SORCS1: variants seen among roughly 807,000 people sequenced by gnomAD.
The protein encoded by SORCS1 is sortilin related VPS10 domain containing receptor 1, also known as VPS10 domain-containing receptor SorCS1.
SORCS1 carries 60 observed loss-of-function variants against 146.1 expected under a neutral mutation model. The ratio of observed to expected loss-of-function variants is 0.41; its 90% CI spans 0.33 to 0.51. The LOEUF (loss-of-function observed/expected upper bound fraction) is 0.51. Among genes scored for constraint, SORCS1 ranks in the 20% least tolerant of loss-of-function variants. SORCS1 has a pLI of 0.21. For synonymous variants in SORCS1, 637 were observed against 584.0 expected (o/e 1.09, Z -1.31); for missense variants, 1,352 against 1,487.6 (o/e 0.91, Z 1.50).
chr10:107,055,216 GCTCTTTTATCCCTGTTACTTT>G (rs1960494366), intron 1 of SORCS1, among the ~76,000 whole-genome samples: 1 of 152,158 alleles, frequency 6.6e-6, no homozygotes, highest in South Asian at 2.1e-4. Context: ...TACATCAACA[GCTCTTTTATCCCTGTTACTTT>G]CCGTGTTCTA....
chr10:106,716,463 A>G (rs1421123868), intron 6 of SORCS1, among the ~76,000 whole-genome samples: 2 of 152,228 alleles, frequency 1.3e-5, no homozygotes, highest in Non-Finnish European at 2.9e-5. Flanking sequence ...AATCTTTACC[A>G]TAAATTATCC....
chr10:107,136,549 C>T (rs778558638), intron 1 of SORCS1, among the ~76,000 whole-genome samples: 14 of 152,242 alleles, frequency 9.2e-5, no homozygotes, highest in South Asian at 2.1e-4. Context: ...AATGACTTGT[C>T]CAAAGTCACA....
intron 1 of SORCS1, among the ~76,000 whole-genome samples, chr10:107,110,122 TA>T (rs1462492191): frequency 6.6e-6 from 1 of 152,194 alleles, no homozygotes. Context: ...CACAACCATT[TA>T]AATAGTCTGT....
At chr10:106,881,096 A>AG in intron 2 of SORCS1, among the ~76,000 whole-genome samples, 1 of 151,622 alleles carries the variant, frequency 6.6e-6, no homozygotes, top group Non-Finnish European at 1.5e-5. Flanking sequence ...AAAAAAAAAA[A>AG]AAGAAGCAGA....
intron 1 of SORCS1, among the ~76,000 whole-genome samples, chr10:107,103,934 A>G (rs1005066815): frequency 1.3e-5 from 2 of 152,202 alleles, no homozygotes; most frequent in African/African-American, 4.8e-5. Flanking sequence ...GAGTTGCCTC[A>G]AAGGCCACTC....
chr10:106,590,376 G>A (rs1405598901), intron 24 of SORCS1, among the ~76,000 whole-genome samples: 1 of 152,100 alleles, frequency 6.6e-6, no homozygotes, highest in East Asian at 1.9e-4. Context: ...CATCTCATAT[G>A]CCCTGATAAA....
At chr10:106,620,250 G>C in intron 20 of SORCS1, 178 bp downstream of exon 20, 1 of 226,918 alleles carries the variant, frequency 4.4e-6, no homozygotes, top group Non-Finnish European at 7.8e-6. Flanking sequence ...AGAGGGGCCA[G>C]AGAGAGAGAG....
intron 5 of SORCS1, among the ~76,000 whole-genome samples, chr10:106,738,931 G>C (rs1490366035): frequency 6.6e-6 from 1 of 152,152 alleles, no homozygotes; most frequent in African/African-American, 2.4e-5. Context: ...CAAGCAATCT[G>C]TCCACTTTGG....
At chr10:107,174,065 C>T in the SORCS1 span, among the ~76,000 whole-genome samples, 1 of 152,154 alleles carries the variant, frequency 6.6e-6, no homozygotes, top group East Asian at 1.9e-4. Flanking sequence ...ATGTATAGAT[C>T]AATCAGGGAT....
rs1965272117 is a variant in SORCS1 at position 107,105,896 on chromosome 10, T to G, written c.558+58073A>C. ...ATATAAAAAGTTCTTGTGGTAGGTC[T>G]GAGAATGTAGTGATCAGGAAGGAAA... is the stretch of plus-strand genomic sequence containing the variant. On this transcript the variant is annotated intron_variant, in intron 1 of 25. Transcript: ENST00000263054. 2.0e-5 allele frequency among the ~76,000 whole-genome samples: 3 copies of G among 152,302 alleles called. No individual in the cohort carries two copies. In the South Asian group the frequency reaches 6.2e-4, roughly 32 times the overall value.
At chr10:106,830,905 C>CA (rs1380190129) in intron 2 of SORCS1, among the ~76,000 whole-genome samples, 2 of 149,802 alleles carry the variant, frequency 1.3e-5, no homozygotes, top group Admixed American at 6.6e-5. Flanking sequence ...CAAAACAAAA[C>CA]AAAAAAAGGC....
intron 2 of SORCS1, among the ~76,000 whole-genome samples, chr10:106,947,832 C>T (rs914240900): frequency 1.3e-5 from 2 of 150,808 alleles, no homozygotes; most frequent in African/African-American, 4.9e-5. Context: ...GAGTGAAACT[C>T]CATCTCAAAA....
At chr10:106,976,866 A>G (rs1455882745) in intron 1 of SORCS1, among the ~76,000 whole-genome samples, 3 of 152,066 alleles carry the variant, frequency 2.0e-5, no homozygotes, top group Non-Finnish European at 4.4e-5. Flanking sequence ...AAAGGACATG[A>G]TCTCATTCTC....
At chr10:107,038,768 T>C (rs1372445325) in intron 1 of SORCS1, among the ~76,000 whole-genome samples, 4 of 152,150 alleles carry the variant, frequency 2.6e-5, no homozygotes, top group African/African-American at 7.2e-5. Flanking sequence ...ATACTCTGTC[T>C]TTTAATCCCT....
intron 2 of SORCS1, among the ~76,000 whole-genome samples, chr10:106,900,141 A>G (rs986698642): frequency 2.6e-5 from 4 of 152,086 alleles, no homozygotes; most frequent in African/African-American, 9.7e-5. Context: ...TGCTCTTCCT[A>G]TGAATTTTCA....
In SORCS1 at chr10:107,062,187, T is replaced by G. The variant is rs144327628; in HGVS notation, c.558+101782A>C. Among the ~76,000 whole-genome samples, 4 of 152,312 alleles carry G rather than the reference T, an allele frequency of 2.6e-5. No homozygotes were observed. In the East Asian group the frequency reaches 7.7e-4, roughly 29 times the overall value. On this transcript the variant is annotated intron_variant, in intron 1 of 25. Coordinates refer to ENST00000263054, the MANE Select transcript of SORCS1 (RefSeq NM_052918.5). ...TTCTTAACTTCAAAGAGCTTAAATTTATAACAATAATCTTTATTTATAAGG... is the reference window on the plus strand; with the variant it reads ...TTCTTAACTTCAAAGAGCTTAAATTGATAACAATAATCTTTATTTATAAGG...
chr10:106,720,689 G>C (rs1034574956), intron 6 of SORCS1, among the ~76,000 whole-genome samples: 1 of 151,866 alleles, frequency 6.6e-6, no homozygotes, highest in Admixed American at 6.6e-5. Flanking sequence ...GGATACCAAG[G>C]ACCCAAAGCC....
At chr10:106,900,772 T>C (rs2138063787) in intron 2 of SORCS1, among the ~76,000 whole-genome samples, 1 of 152,334 alleles carries the variant, frequency 6.6e-6, no homozygotes, top group South Asian at 2.1e-4. Flanking sequence ...ACTAAGACAG[T>C]ATCCAATACT....
At chr10:107,099,061 T>G (rs1268659830) in intron 1 of SORCS1, among the ~76,000 whole-genome samples, 3 of 152,212 alleles carry the variant, frequency 2.0e-5, no homozygotes, top group Non-Finnish European at 4.4e-5. Flanking sequence ...AGTTGCTCTG[T>G]AAACAATCTA....
Sources: allele counts gnomAD v4.1 joint callset (sites outside exome capture counted in the v4.1 genomes callset), GRCh38; gene constraint gnomAD v4.1.1; transcripts MANE v1.5; gene names NCBI Gene and HGNC (gene_info 2026-07-23, HGNC 2026-07-21).